Variants in GNG7 observed in about 807,000 individuals in gnomAD.
GNG7 encodes guanine nucleotide-binding protein G(I)/G(S)/G(O) subunit gamma-7.
Under a neutral mutation model 4.0 loss-of-function variants are expected in GNG7, and 1 was observed. The ratio of observed to expected loss-of-function variants is 0.25; its 90% confidence interval spans 0.09 to 1.18. GNG7 has a LOEUF of 1.18. Ranked by LOEUF, GNG7 falls within the 50% of genes most tolerant of loss-of-function variation. The pLI is 0.50. For synonymous variants in GNG7, 34 were observed against 36.9 expected (o/e 0.92, Z 0.29); for missense variants, 86 against 91.9 (o/e 0.94, Z 0.26).
At position 2,538,163 on chromosome 19, in the gene GNG7, T is replaced by C. The variant is rs991073112; in HGVS notation, c.-38+16986A>G. On this transcript the variant is annotated intron_variant, in intron 3 of 4. Coordinates refer to ENST00000382159, the MANE Select transcript of GNG7 (RefSeq NM_052847.3). ...GCTACGGAGGCCCTGATGCCATGGA[T>C]GGTAAACTGGTATCTTCTGACGATG... The C allele has an allele frequency of 3.7e-5, 17 of 456,500 alleles. No homozygotes were observed. The Admixed American group carries it at 4.0e-4, about 11-fold the overall frequency. 28.3% of individuals were successfully genotyped at this position (456,500 alleles called of 1,614,324 possible). A position where few individuals can be genotyped will look rare whatever the true frequency, so the allele number is the denominator to read the frequency against.
At chr19:2,678,301 A>G (rs1983644740) in intron 1 of GNG7, among the ~76,000 whole-genome samples, 1 of 152,216 alleles carries the variant, frequency 6.6e-6, no homozygotes, top group Admixed American at 6.5e-5. Flanking sequence ...GTGAAAGGTG[A>G]CTTGTAGAAT....
intron 2 of GNG7, among the ~76,000 whole-genome samples, chr19:2,620,765 C>T (rs557035531): frequency 3.8e-4 from 58 of 151,900 alleles, no homozygotes; most frequent in African/African-American, 1.2e-3. Context: ...TGCTTGAACC[C>T]GGGAAGTGGA....
chr19:2,572,570 T>G (rs903944312), intron 2 of GNG7, among the ~76,000 whole-genome samples: 4 of 150,520 alleles, frequency 2.7e-5, no homozygotes, highest in African/African-American at 9.7e-5. Flanking sequence ...TAGCTGGGAC[T>G]ACAGGTGTAA....
chr19:2,546,721 C>T lies in GNG7; in HGVS notation c.-38+8428G>A, dbSNP rs191863872. Among the ~76,000 whole-genome samples, 3,774 of 152,238 alleles carry T rather than the reference C, an allele frequency of 0.025. 73 individuals carry two copies. The highest frequency in any genetic ancestry group is 0.038 in the Non-Finnish European group (2,615 of 68,020). On this transcript the variant is annotated intron_variant, in intron 3 of 4. Coordinates refer to ENST00000382159, the MANE Select transcript of GNG7 (RefSeq NM_052847.3). This position sits in a 1 kb window ranked among gnomAD's most constrained non-coding sequence, Gnocchi z 6.3. ...GCCGCGACGACAGAGGGTGACGCGCCGCCAGTGTGGGTTTGGTCGCCGCGG... is the reference window on the plus strand; with the variant it reads ...GCCGCGACGACAGAGGGTGACGCGCTGCCAGTGTGGGTTTGGTCGCCGCGG...
At chr19:2,659,184 T>C (rs1213114392) in intron 1 of GNG7, among the ~76,000 whole-genome samples, 1 of 151,984 alleles carries the variant, frequency 6.6e-6, no homozygotes, top group African/African-American at 2.4e-5. Flanking sequence ...TTAGCCAGGA[T>C]GGTCTCAATC....
Position 2,611,414 on chromosome 19 carries a change from G to C in GNG7, c.-78+34810C>G, listed in dbSNP as rs1186796749. On this transcript the variant is annotated intron_variant, in intron 2 of 4. Coordinates refer to ENST00000382159, the MANE Select transcript of GNG7 (RefSeq NM_052847.3). The surrounding 1 kb of genome is among the most constrained non-coding windows in gnomAD (Gnocchi z 6.0). ...GGCGGCCTCGCTGTCACCACTGAGT[G>C]AGCTCGAGGTGCCCCGTCCCAGGAC... is the stretch of plus-strand genomic sequence containing the variant. 6.6e-6 allele frequency: 1 copy of C among 152,292 alleles called. No individual in the cohort carries two copies. The highest frequency in any genetic ancestry group is 2.4e-5 in the African/African-American group (1 of 41,456). The allele number at this position is 152,292 out of a possible 1,614,324, so 9.4% of individuals were successfully genotyped here.
At chr19:2,539,789 C>G (rs1978884975) in intron 3 of GNG7, among the ~76,000 whole-genome samples, 1 of 151,940 alleles carries the variant, frequency 6.6e-6, no homozygotes, top group Admixed American at 6.6e-5. Context: ...ATCCAGTGGC[C>G]TAAAGTTCTG....
intron 1 of GNG7, among the ~76,000 whole-genome samples, chr19:2,649,683 C>T (rs1472065030): frequency 6.6e-6 from 1 of 152,072 alleles, no homozygotes. Flanking sequence ...CCACCGCGCC[C>T]AGCCAGGAAT....
At chr19:2,649,278 G>A (rs1258396938) in intron 1 of GNG7, among the ~76,000 whole-genome samples, 5 of 151,690 alleles carry the variant, frequency 3.3e-5, no homozygotes, top group African/African-American at 7.3e-5. Flanking sequence ...GGTCTGGTGC[G>A]CCCTTCAACT....
chr19:2,534,519 C>T (rs1019015962), intron 3 of GNG7, among the ~76,000 whole-genome samples: 4 of 152,230 alleles, frequency 2.6e-5, no homozygotes, highest in Non-Finnish European at 5.9e-5. Context: ...TGATGCATGG[C>T]TCCAGGATCA....
intron 2 of GNG7, among the ~76,000 whole-genome samples, chr19:2,588,074 G>C (rs191656485): frequency 5.3e-5 from 8 of 152,208 alleles, no homozygotes; most frequent in Non-Finnish European, 4.4e-5. Flanking sequence ...ATTGGAGCAA[G>C]AGAAGAAAAA....
At chr19:2,568,105 A>G (rs1342505623) in intron 2 of GNG7, among the ~76,000 whole-genome samples, 3 of 151,904 alleles carry the variant, frequency 2.0e-5, no homozygotes, top group East Asian at 1.9e-4. Flanking sequence ...ACACTTACAC[A>G]CATGCACATA....
chr19:2,539,063 A>ACG (rs1978855586), intron 3 of GNG7, among the ~76,000 whole-genome samples: 4 of 152,002 alleles, frequency 2.6e-5, no homozygotes, highest in African/African-American at 7.2e-5. Flanking sequence ...GAGCCACGGC[A>ACG]CCCAGCCCTA....
chr19:2,645,867 G>T (rs2144860548), intron 2 of GNG7, among the ~76,000 whole-genome samples: 1 of 152,254 alleles, frequency 6.6e-6, no homozygotes, highest in South Asian at 2.1e-4. Context: ...CACTCTCCAG[G>T]TGCACAGGAG....
At chr19:2,685,742 G>A (rs189170480) in intron 1 of GNG7, among the ~76,000 whole-genome samples, 14 of 152,308 alleles carry the variant, frequency 9.2e-5, no homozygotes, top group African/African-American at 3.4e-4. Context: ...TCAAACGTCG[G>A]ATGCCCAGTA....
At chr19:2,588,010 T>C (rs1382632217) in intron 2 of GNG7, among the ~76,000 whole-genome samples, 3 of 152,138 alleles carry the variant, frequency 2.0e-5, no homozygotes, top group South Asian at 4.1e-4. Context: ...AGTATTGTTA[T>C]TGCAAATTCA....
chr19:2,579,300 TGGCTCCCGTCCG>T (rs1305049049), intron 2 of GNG7, among the ~76,000 whole-genome samples: 2 of 152,250 alleles, frequency 1.3e-5, no homozygotes, highest in African/African-American at 4.8e-5. Flanking sequence ...CCAGCACGGC[TGGCTCCCGTCCG>T]GGTCTCTGTG....
At chr19:2,671,526 A>G (rs1191918678) in intron 1 of GNG7, among the ~76,000 whole-genome samples, 1 of 151,970 alleles carries the variant, frequency 6.6e-6, no homozygotes, top group Non-Finnish European at 1.5e-5. Flanking sequence ...GGAGCCAGGC[A>G]GGGGAACGTT....
At chr19:2,568,305 AC>A (rs1980001838) in intron 2 of GNG7, among the ~76,000 whole-genome samples, 1 of 151,094 alleles carries the variant, frequency 6.6e-6, no homozygotes, top group Non-Finnish European at 1.5e-5. Context: ...ACACGCACAC[AC>A]ATACACACGC....
Sources: gnomAD v4.1 joint callset for allele counts (sites outside exome capture counted in the v4.1 genomes callset) on GRCh38, gnomAD v4.1.1 for gene constraint, Gnocchi (gnomAD v3.1) non-coding constraint, MANE v1.5 for transcripts, NCBI Gene and HGNC (gene_info 2026-07-23, HGNC 2026-07-21) for gene names.